Variants in KAZN observed in about 807,000 individuals in gnomAD.
KAZN encodes the protein kazrin, periplakin interacting protein.
KAZN carries 40 observed loss-of-function variants against 87.4 expected under a neutral mutation model. That is an observed-to-expected ratio of 0.46 (90% CI 0.36 to 0.60). The LOEUF (loss-of-function observed/expected upper bound fraction) is 0.60, where lower values mean the gene tolerates loss of function less well. Ranked by LOEUF, KAZN falls within the 20% of genes least tolerant of loss-of-function variation. The probability of loss-of-function intolerance (pLI) is 0.00; values close to 1 mark genes in which losing one functional copy is unlikely to be tolerated. For missense variants in KAZN, 898 were observed against 1,073.9 expected (o/e 0.84, Z 2.29); for synonymous variants, 466 against 458.3 (o/e 1.02, Z -0.22).
At chr1:14,351,864 T>C (rs530579080) in intron 2 of KAZN, among the ~76,000 whole-genome samples, 39 of 152,362 alleles carry the variant, frequency 2.6e-4, no homozygotes, top group African/African-American at 8.4e-4. Flanking sequence ...AGTTGCTTAG[T>C]GGCTCATTTA....
intron 2 of KAZN, among the ~76,000 whole-genome samples, chr1:14,425,797 T>A (rs914565447): frequency 6.6e-5 from 10 of 152,174 alleles, no homozygotes; most frequent in African/African-American, 2.4e-4. Context: ...GTAAGGAGAC[T>A]GAGACTCAGA....
At chr1:14,175,035 G>A (rs997495201) in intron 1 of KAZN, among the ~76,000 whole-genome samples, 1 of 152,202 alleles carries the variant, frequency 6.6e-6, no homozygotes, top group Non-Finnish European at 1.5e-5. Context: ...CACTAGGGAG[G>A]ACTGTAGGCA....
intron 4 of KAZN, among the ~76,000 whole-genome samples, chr1:15,047,351 T>C (rs552240757): frequency 3.3e-5 from 5 of 152,252 alleles, no homozygotes; most frequent in African/African-American, 1.2e-4. Flanking sequence ...CCTTAAGTCC[T>C]GGGTTGCAAG....
chr1:14,637,515 T>C (rs937111990), intron 1 of KAZN, among the ~76,000 whole-genome samples: 1 of 152,138 alleles, frequency 6.6e-6, no homozygotes, highest in Non-Finnish European at 1.5e-5. Flanking sequence ...TCCTATCCTT[T>C]TGATCACCAC....
At chr1:14,223,142 G>A (rs1462180199) in intron 2 of KAZN, 1 of 152,138 alleles carries the variant, frequency 6.6e-6, no homozygotes, top group African/African-American at 2.4e-5. Flanking sequence ...GCTGTTGGAT[G>A]GTGGAAGAGC....
At chr1:14,363,602 C>T (rs1042692206) in intron 2 of KAZN, among the ~76,000 whole-genome samples, 2 of 152,146 alleles carry the variant, frequency 1.3e-5, no homozygotes, top group African/African-American at 4.8e-5. Context: ...TTCATGTTTC[C>T]AACTCTGTCC....
intron 2 of KAZN, among the ~76,000 whole-genome samples, chr1:14,549,952 T>G (rs1673403566): frequency 6.6e-6 from 1 of 152,254 alleles, no homozygotes. Flanking sequence ...TCTGAGAGGA[T>G]GTTTGGTATA....
intron 1 of KAZN, among the ~76,000 whole-genome samples, chr1:14,696,882 C>A (rs1424483142): frequency 1.3e-5 from 2 of 152,164 alleles, no homozygotes; most frequent in South Asian, 4.1e-4. Flanking sequence ...AAGGACAAGG[C>A]TAAGAAACAG....
chr1:14,195,511 T>TCACACACACACACA (rs55792359), intron 2 of KAZN, among the ~76,000 whole-genome samples: 5 of 146,090 alleles, frequency 3.4e-5, no homozygotes, highest in African/African-American at 1.3e-4. Context: ...CAAAAACGGC[T>TCACACACACACACA]CACACACACA....
chr1:14,313,478 C>G (rs540663962), intron 2 of KAZN, among the ~76,000 whole-genome samples: 11 of 152,220 alleles, frequency 7.2e-5, no homozygotes, highest in African/African-American at 2.6e-4. Flanking sequence ...CTTTTCCTTT[C>G]TATGAAGGGG....
At chr1:14,219,702 G>A (rs537388048) in intron 2 of KAZN, among the ~76,000 whole-genome samples, 16 of 152,176 alleles carry the variant, frequency 1.1e-4, no homozygotes, top group Non-Finnish European at 2.1e-4. Flanking sequence ...TGATAGTATA[G>A]AGAAATGGAA....
intron 2 of KAZN, chr1:14,390,734 G>A (rs114914957): frequency 0.019 from 2,832 of 152,612 alleles, 36 homozygotes; most frequent in Non-Finnish European, 0.031. Flanking sequence ...TATCTGGCGA[G>A]GGCCTTCTTG....
At chr1:14,190,822 G>A (rs1570975887) in intron 2 of KAZN, among the ~76,000 whole-genome samples, 1 of 152,138 alleles carries the variant, frequency 6.6e-6, no homozygotes, top group East Asian at 1.9e-4. Context: ...GATTTCAGCT[G>A]GGCTCATCCC....
intron 1 of KAZN, among the ~76,000 whole-genome samples, chr1:14,837,558 T>TC (rs1553142123): frequency 6.7e-6 from 1 of 148,594 alleles, no homozygotes. Flanking sequence ...TAATTTTTTT[T>TC]TTTTTTTTTT....
At chr1:14,189,545 T>A (rs1646381100) in intron 2 of KAZN, among the ~76,000 whole-genome samples, 1 of 152,158 alleles carries the variant, frequency 6.6e-6, no homozygotes, top group Non-Finnish European at 1.5e-5. Context: ...CCCTCATACA[T>A]TGTGCACTGG....
At chr1:15,054,254 A>T (rs972682219) in intron 4 of KAZN, among the ~76,000 whole-genome samples, 1 of 152,090 alleles carries the variant, frequency 6.6e-6, no homozygotes, top group Non-Finnish European at 1.5e-5. Flanking sequence ...TGGCCCTGCC[A>T]TCTGTAGCTA....
At chr1:15,011,995 C>A (rs558807376) in intron 2 of KAZN, among the ~76,000 whole-genome samples, 22 of 152,288 alleles carry the variant, frequency 1.4e-4, no homozygotes, top group Middle Eastern at 6.8e-3. Context: ...CTGTACACCC[C>A]CCAGCCTCAG....
chr1:14,152,311 A>C (rs527543994), intron 1 of KAZN, among the ~76,000 whole-genome samples: 6 of 152,272 alleles, frequency 3.9e-5, no homozygotes, highest in African/African-American at 1.4e-4. Context: ...CTCATTAAGC[A>C]TCCGTACCTC....
intron 2 of KAZN, among the ~76,000 whole-genome samples, chr1:14,530,964 T>C (rs1672177014): frequency 6.6e-6 from 1 of 152,056 alleles, no homozygotes; most frequent in Non-Finnish European, 1.5e-5. Flanking sequence ...CCCCAGCTAC[T>C]CAAGAGGCTG....
Sources: allele counts gnomAD v4.1 joint callset (sites outside exome capture counted in the v4.1 genomes callset), GRCh38; gene constraint gnomAD v4.1.1; transcripts MANE v1.5; gene names NCBI Gene and HGNC (gene_info 2026-07-23, HGNC 2026-07-21).